SULT6B1: variants seen among roughly 807,000 people sequenced by gnomAD.
The protein encoded by SULT6B1 is sulfotransferase 6B1.
A neutral mutation model predicts 37.2 loss-of-function variants in SULT6B1; 44 were observed. That is an observed-to-expected ratio of 1.18 (90% confidence interval 0.93 to 1.52). The LOEUF is 1.52. SULT6B1 is among the 40% of genes most tolerant of loss of function. SULT6B1 has a pLI of 0.00. For synonymous variants in SULT6B1, 140 were observed against 126.0 expected (o/e 1.11, Z -0.74); for missense variants, 450 against 361.0 (o/e 1.25, Z -2.00).
At chr2:37,195,239 C>A (rs191325099) in intron 1 of SULT6B1, among the ~76,000 whole-genome samples, 1 of 152,232 alleles carries the variant, frequency 6.6e-6, no homozygotes, top group Admixed American at 6.5e-5. Context: ...TGTGAGCCAC[C>A]GCACCAAGCC....
intron 4 of SULT6B1, 47 bp from the exon 5 acceptor site, chr2:37,175,273 G>T (rs552659043): frequency 3.8e-6 from 4 of 1,066,416 alleles, no homozygotes; most frequent in South Asian, 1.6e-5. Context: ...AATAACTGAG[G>T]TTAAAATGAT....
intron 2 of SULT6B1, among the ~76,000 whole-genome samples, chr2:37,186,496 G>A (rs949538436): frequency 1.4e-4 from 22 of 152,132 alleles, no homozygotes; most frequent in African/African-American, 4.8e-4. Context: ...AGGGTGACCT[G>A]TTATCCCCTT....
chr2:37,180,198 C>G (rs1676520616), intron 3 of SULT6B1, among the ~76,000 whole-genome samples: 1 of 152,140 alleles, frequency 6.6e-6, no homozygotes. Flanking sequence ...TGGCCTGAAG[C>G]CTTCTATTTC....
chr2:37,168,507 A>G (rs893544498), intron 6 of SULT6B1, among the ~76,000 whole-genome samples: 2 of 152,156 alleles, frequency 1.3e-5, no homozygotes, highest in African/African-American at 4.8e-5. Flanking sequence ...AAAATTAACA[A>G]TATCCATTGG....
chr2:37,168,083 C>T lies in SULT6B1; in HGVS notation c.782-18G>A, dbSNP rs59904202. The T allele has an allele frequency of 2.8e-4, 436 of 1,562,144 alleles. 5 individuals carry two copies. In the East Asian group the frequency reaches 0.01, roughly 36 times the overall value. ...AACTTCACCTACAACACACAAAAAACAGTAGACCCAGATATCTGTTAGAAT... is the reference window on the plus strand; with the variant it reads ...AACTTCACCTACAACACACAAAAAATAGTAGACCCAGATATCTGTTAGAAT... On this transcript the variant is annotated intron_variant, in intron 6 of 6. Coordinates refer to ENST00000535679, the MANE Select transcript of SULT6B1 (RefSeq NM_001367551.1).
At chr2:37,171,882 T>G (rs1294852162) in intron 5 of SULT6B1, among the ~76,000 whole-genome samples, 1 of 152,208 alleles carries the variant, frequency 6.6e-6, no homozygotes, top group Non-Finnish European at 1.5e-5. Context: ...GTTATAATTT[T>G]ATCTAGGATG....
chr2:37,168,815 G>C (rs898077351), intron 6 of SULT6B1, among the ~76,000 whole-genome samples: 1 of 152,176 alleles, frequency 6.6e-6, no homozygotes, highest in African/African-American at 2.4e-5. Flanking sequence ...AGTAAAGAAA[G>C]TTACTTTTTT....
At chr2:37,171,098 G>C (rs904271697) in intron 6 of SULT6B1, among the ~76,000 whole-genome samples, 5 of 152,150 alleles carry the variant, frequency 3.3e-5, no homozygotes, top group Non-Finnish European at 7.3e-5. Flanking sequence ...AATTAACTGG[G>C]TGTGGTGGCA....
chr2:37,176,773 T>G (rs997525300), intron 4 of SULT6B1, among the ~76,000 whole-genome samples: 2 of 152,166 alleles, frequency 1.3e-5, no homozygotes, highest in Non-Finnish European at 2.9e-5. Flanking sequence ...TTCTGTTTCT[T>G]GATATCCTGC....
At chr2:37,186,244 G>A (rs975014566) in intron 2 of SULT6B1, among the ~76,000 whole-genome samples, 1 of 152,162 alleles carries the variant, frequency 6.6e-6, no homozygotes, top group Non-Finnish European at 1.5e-5. Flanking sequence ...GGTGAACACT[G>A]CTGAAAGTTT....
chr2:37,194,034 A>G (rs952761564), intron 1 of SULT6B1, among the ~76,000 whole-genome samples: 2 of 152,236 alleles, frequency 1.3e-5, no homozygotes, highest in Non-Finnish European at 2.9e-5. Context: ...ATTTTCCTGC[A>G]GAAATCATGA....
At chr2:37,194,409 C>T (rs976671226) in intron 1 of SULT6B1, 4 of 414,002 alleles carry the variant, frequency 9.7e-6, no homozygotes, top group African/African-American at 6.3e-5. Flanking sequence ...AAAGTGGTAA[C>T]AGGTACATAG....
intron 1 of SULT6B1, among the ~76,000 whole-genome samples, chr2:37,195,501 C>T (rs1183077537): frequency 6.6e-6 from 1 of 152,144 alleles, no homozygotes; most frequent in East Asian, 1.9e-4. Context: ...CTTTACTTGG[C>T]GTGGACAGAG....
chr2:37,183,736 C>T (rs527783569), intron 2 of SULT6B1, among the ~76,000 whole-genome samples: 26 of 152,134 alleles, frequency 1.7e-4, no homozygotes, highest in Non-Finnish European at 2.9e-4. Context: ...CTCTGCCTCC[C>T]GGGTTCAAGC....
At chr2:37,194,178 A>AT (rs577677210) in intron 1 of SULT6B1, among the ~76,000 whole-genome samples, 64 of 146,200 alleles carry the variant, frequency 4.4e-4, no homozygotes, top group South Asian at 1.3e-3. Flanking sequence ...CTGTCTGTAG[A>AT]TTTTTTTTTT....
At chr2:37,172,817 C>T (rs550448412) in intron 5 of SULT6B1, among the ~76,000 whole-genome samples, 1 of 115,298 alleles carries the variant, frequency 8.7e-6, no homozygotes, top group Non-Finnish European at 1.8e-5. Context: ...CTAAACCATA[C>T]ATTTGCTTGT....
At chr2:37,191,731 G>T (rs1430531029), upstream of SULT6B1, among the ~76,000 whole-genome samples, 2 of 152,144 alleles carry the variant, frequency 1.3e-5, no homozygotes, top group African/African-American at 4.8e-5. Context: ...CTGAAGGTGG[G>T]TACGAAAAAA....
chr2:37,189,951 G>A (rs1389200441), upstream of SULT6B1: 1 of 152,218 alleles, frequency 6.6e-6, no homozygotes, highest in East Asian at 1.9e-4. Context: ...TCCAGGGGGT[G>A]GCAGACTAAC....
Position 37,187,457 on chromosome 2 carries a change from C to A in SULT6B1, c.210G>T (p.Trp70Cys). The change falls in exon 2 of 7, where the codon TGG becomes TGT. Residue 70 changes from tryptophan to cysteine, a missense_variant. Trp to Cys is a radical substitution (Grantham distance 215). Transcript: ENST00000535679. ...TTAATTCACTGACAATGTGGAGAATCCAGTTTGAACCTATCAGAAAAATCA... is the reference window on the plus strand; with the variant it reads ...TTAATTCACTGACAATGTGGAGAATACAGTTTGAACCTATCAGAAAAATCA... ...LASYPKCGSN[W>C]ILHIVSELIY... The A allele has an allele frequency of 6.4e-7, 1 of 1,570,776 alleles. No individual in the cohort carries two copies.
Sources: gnomAD v4.1 joint callset for allele counts (sites outside exome capture counted in the v4.1 genomes callset) on GRCh38, gnomAD v4.1.1 for gene constraint, MANE v1.5 for transcripts, NCBI Gene and HGNC (gene_info 2026-07-23, HGNC 2026-07-21) for gene names.